IRX6: variants seen among roughly 807,000 people sequenced by gnomAD.
IRX6 encodes iroquois-class homeodomain protein IRX-6.
In IRX6, 46 loss-of-function variants were observed where a neutral mutation model predicts 47.7. The ratio of observed to expected loss-of-function variants is 0.96; its 90% CI spans 0.76 to 1.23. IRX6 has a LOEUF of 1.23. Ranked by LOEUF, IRX6 falls within the 50% of genes most tolerant of loss-of-function variation. The pLI is 0.00. For missense variants in IRX6, 722 were observed against 588.0 expected (o/e 1.23, Z -2.36); for synonymous variants, 265 against 246.2 (o/e 1.08, Z -0.72).
chr16:55,329,346 G>A (rs1960602629), intron 5 of IRX6, 35 bp downstream of exon 5: 2 of 1,559,934 alleles, frequency 1.3e-6, no homozygotes, highest in South Asian at 2.3e-5. Flanking sequence ...GAGTATCTAT[G>A]CAAAAGACAC....
Position 55,328,738 on chromosome 16 carries a change from A to G in IRX6, c.760A>G (p.Ser254Gly), listed in dbSNP as rs1353901001. Residue 254 changes from serine to glycine, a missense_variant, in exon 5 of 6, where the codon AGT becomes GGT. Transcript: ENST00000290552. ...ASQEARGLRL[S>G]DLEDLEEEEE... ...CCAGGAGGCCCGGGGGCTCCGGCTG[A>G]GTGACCTGGAAGACCTGGAGGAAGA... 3 of 1,613,124 alleles carry G rather than the reference A, an allele frequency of 1.9e-6. No homozygotes were observed. The highest frequency in any genetic ancestry group is 3.3e-5 in the Admixed American group (2 of 60,002).
rs1347143445 is a variant in IRX6 at position 55,327,478 on chromosome 16, C to A, written c.413+73C>A. The A allele has an allele frequency of 2.3e-5, 36 of 1,562,232 alleles. No homozygotes were observed. In the East Asian group the frequency reaches 5.4e-4, roughly 23 times the overall value. ...CCCACTGCCAAGGTAGGGTGGATGG[C>A]GGCAGGGGAGAGGGAGGGAGCTGAA... On this transcript the variant is annotated intron_variant, in intron 3 of 5. Coordinates refer to ENST00000290552, the MANE Select transcript of IRX6 (RefSeq NM_024335.3).
rs1372721022 is a variant in IRX6 at position 55,327,363 on chromosome 16, A to G, written c.371A>G (p.Tyr124Cys). Reference sequence around the variant, plus strand: ...TCCAGCCTGGCACAACCAGGAGCCTATTATCCCTATGAGCGGACTCTGGGG... The same window carrying G: ...TCCAGCCTGGCACAACCAGGAGCCTGTTATCCCTATGAGCGGACTCTGGGG... Reference protein sequence around the residue: ...FTSSLAQPGAYYPYERTLGQY... With the variant: ...FTSSLAQPGACYPYERTLGQY... Residue 124 changes from tyrosine (Y) to cysteine (C), a missense_variant, in exon 3 of 6, where the codon TAT becomes TGT. Physicochemically the swap from Tyr to Cys is radical, Grantham distance 194 (BLOSUM62 -2). Coordinates refer to ENST00000290552, the MANE Select transcript of IRX6 (RefSeq NM_024335.3). The G allele has an allele frequency of 1.2e-6, 2 of 1,613,888 alleles. No homozygotes were observed. The highest frequency in any genetic ancestry group is 8.5e-7 in the Non-Finnish European group (1 of 1,179,926).
rs1960479540 is a variant in IRX6, at chr16:55,324,801, C to G, written c.-291C>G. 9.9e-6 allele frequency: 5 copies of G among 507,042 alleles called. No individual in the cohort carries two copies. In the Admixed American group the frequency reaches 1.0e-4, roughly 10 times the overall value. 31.4% of individuals were successfully genotyped at this position (507,042 alleles called of 1,614,324 possible). On this transcript the variant is annotated 5_prime_UTR_variant, in exon 1 of 6. Transcript: ENST00000290552. The surrounding 1 kb of genome is among the most constrained non-coding windows in gnomAD (Gnocchi z 4.4). ...AGCCCCGCGCCGCGCCGCGCCTCAC[C>G]TCGCCACCACGCGCCTTTGGGAACC... is the stretch of plus-strand genomic sequence containing the variant.
At chr16:55,326,837 G>C in intron 2 of IRX6, 2 of 467,548 alleles carry the variant, frequency 4.3e-6, no homozygotes, top group Non-Finnish European at 7.4e-6. Flanking sequence ...TGAGGAAATA[G>C]AGGTGCACAG....
rs1427184130 is a variant in IRX6 at position 55,324,676 on chromosome 16, AGGGTCCCGGGGCCCG to A, written c.-407_-393del. The A allele has an allele frequency of 5.1e-5, 11 of 215,938 alleles. No homozygotes were observed. The highest frequency in any genetic ancestry group is 1.0e-4 in the Non-Finnish European group (11 of 107,984). 13.4% of individuals were successfully genotyped at this position (215,938 alleles called of 1,614,324 possible). A position where few individuals can be genotyped will look rare whatever the true frequency, so the allele number is the denominator to read the frequency against. On this transcript the variant is annotated 5_prime_UTR_variant, in exon 1 of 6. Transcript: ENST00000290552. This position sits in a 1 kb window ranked among gnomAD's most constrained non-coding sequence, Gnocchi z 4.4. ...CTGCGCTTGGCACGCTTGGTGGCCC[AGGGTCCCGGGGCCCG>A]GGGTCCCGTCTGGCGGCCCGGGATT...
chr16:55,325,137 G>GT lies in IRX6; in HGVS notation c.45+2dup. On this transcript the variant is annotated splice_donor_variant, in intron 1 of 5. Transcript: ENST00000290552. LOFTEE classifies it high-confidence loss of function. ...ACACCCGTACCGCGGCGCTTCCCAGGTAAGAGGCGCCTCTATGGGGGATAG... is the reference window on the plus strand; with the variant it reads ...ACACCCGTACCGCGGCGCTTCCCAGGTTAAGAGGCGCCTCTATGGGGGATAG... 1.2e-6 allele frequency: 2 copies of GT among 1,613,822 alleles called. No individual in the cohort carries two copies. Among genetic ancestry groups the GT allele is most frequent in the Non-Finnish European group, 1.7e-6 (2 of 1,179,952 alleles).
At chr16:55,325,191 G>T (rs1960488556) in intron 1 of IRX6, 55 bp downstream of exon 1, 1 of 1,559,390 alleles carries the variant, frequency 6.4e-7, no homozygotes, top group African/African-American at 1.4e-5. Flanking sequence ...GGAGTGCCTA[G>T]TGCACGGCGC....
rs2142272515 is a variant in IRX6 at position 55,330,283 on chromosome 16, C to T, written c.1334-15C>T. 6.2e-7 allele frequency: 1 copy of T among 1,613,478 alleles called. No homozygotes were observed. On this transcript the variant is annotated splice_polypyrimidine_tract_variant and intron_variant, in intron 5 of 5. Transcript: ENST00000290552. ...TAAACAGCCTTTGGGTTTTAATCAA[C>T]CTTTCCTCTCTCAGCAGGTTAGCGC... is the stretch of plus-strand genomic sequence containing the variant.
chr16:55,328,863 G>A lies in IRX6; in HGVS notation c.885G>A (p.Pro295=), dbSNP rs751555425. The A allele has an allele frequency of 1.4e-5, 22 of 1,612,770 alleles. No individual in the cohort carries two copies. The highest frequency in any genetic ancestry group is 1.7e-5 in the Non-Finnish European group (20 of 1,179,974). The stretch of plus-strand genomic sequence containing the variant: ...AGGGCGCGCAGTCACTGCCTGGGCC[G>A]TGCGCTGCAGCTCGAGAGGGCCGAT... ...FRKGAQSLPG[P]CAAAREGRLE... The change falls in exon 5 of 6, where the codon CCG becomes CCA. Residue 295 remains proline (P), a synonymous_variant. Coordinates refer to ENST00000290552, the MANE Select transcript of IRX6 (RefSeq NM_024335.3).
rs775520013 is a variant in IRX6 at position 55,327,712 on chromosome 16, C to A, written c.540C>A (p.Ile180=). 6.2e-7 allele frequency: 1 copy of A among 1,612,392 alleles called. No individual in the cohort carries two copies. The highest frequency in any genetic ancestry group is 8.5e-7 in the Non-Finnish European group (1 of 1,180,012). The change falls in exon 4 of 6, where the codon ATC becomes ATA. Residue 180 remains isoleucine, a synonymous_variant. Transcript: ENST00000290552. The part of the protein sequence containing the change: ...KNPYPTKGEK[I]MLAIITKMTL... ...CCTACCCCACTAAGGGTGAGAAGAT[C>A]ATGCTGGCCATCATCACCAAGATGA... is the stretch of plus-strand genomic sequence containing the variant.
Position 55,327,621 on chromosome 16 carries a change from G to C in IRX6, c.449G>C (p.Arg150Pro), listed in dbSNP as rs777983442. The change falls in exon 4 of 6, where the codon CGA becomes CCA. Residue 150 changes from arginine to proline, a missense_variant. Physicochemically the swap from Arg to Pro is moderately radical, Grantham distance 103. Coordinates refer to ENST00000290552, the MANE Select transcript of IRX6 (RefSeq NM_024335.3). ...GTGGAATTGAGTGGCGCCGGTCGCC[G>C]AAAGAACGCGACCCGGGAGACCACC... ...GAVELSGAGRRKNATRETTST... is the reference protein window; with the variant it reads ...GAVELSGAGRPKNATRETTST... The C allele has an allele frequency of 2.5e-6, 4 of 1,609,344 alleles. No individual in the cohort carries two copies. The Admixed American group carries it at 5.0e-5, about 20-fold the overall frequency.
chr16:55,327,558 A>G (rs1222156344), intron 3 of IRX6, 28 bp from the exon 4 acceptor site: 9 of 1,581,914 alleles, frequency 5.7e-6, no homozygotes, highest in African/African-American at 5.4e-5. Flanking sequence ...TTCCTCTTCT[A>G]TAATGTGAGC....
At chr16:55,325,529 AGG>A (rs1491375663) in intron 1 of IRX6, among the ~76,000 whole-genome samples, 6,708 of 36,736 alleles carry the variant, frequency 0.18, 2,689 homozygotes, top group African/African-American at 0.33. Context: ...GAAGGAAGGA[AGG>A]AGAGAGAGAG....
intron 1 of IRX6, among the ~76,000 whole-genome samples, chr16:55,325,530 G>GGAAGGAAAGAGAGAGAGA (rs1491427085): frequency 5.5e-4 from 5 of 9,084 alleles, no homozygotes; most frequent in African/African-American, 3.0e-3. Context: ...AAGGAAGGAA[G>GGAAGGAAAGAGAGAGAGA]GAGAGAGAGA....
rs367976229 is a variant in IRX6, at chr16:55,325,184, G to A, written c.45+48G>A. ...ATAGGGGACAGACTGGGTGGAGGGA[G>A]TGCCTAGTGCACGGCGCCTGCCTCT... On this transcript the variant is annotated intron_variant, in intron 1 of 5. Transcript: ENST00000290552. 7.0e-6 allele frequency: 11 copies of A among 1,577,082 alleles called. No individual in the cohort carries two copies. The African/African-American group carries it at 8.1e-5, about 12-fold the overall frequency.
In IRX6 at chr16:55,327,770, G is replaced by C; in HGVS notation, c.598G>C (p.Ala200Pro). The change falls in exon 4 of 6, where the codon GCA becomes CCA. Residue 200 changes from alanine (A) to proline (P), a missense_variant. Physicochemically the swap from Ala to Pro is conservative, Grantham distance 27. Coordinates refer to ENST00000290552, the MANE Select transcript of IRX6 (RefSeq NM_024335.3). ...LTQVSTWFANARRRLKKENKM... is the reference protein window; with the variant it reads ...LTQVSTWFANPRRRLKKENKM... ...CCAGGTGTCCACCTGGTTCGCCAACGCACGCCGGCGCCTCAAGAAAGAGAA... is the reference window on the plus strand; with the variant it reads ...CCAGGTGTCCACCTGGTTCGCCAACCCACGCCGGCGCCTCAAGAAAGAGAA... 2 of 1,612,452 alleles carry C rather than the reference G, an allele frequency of 1.2e-6. No homozygotes were observed. Among genetic ancestry groups the C allele is most frequent in the Non-Finnish European group, 1.7e-6 (2 of 1,179,892 alleles).
Position 55,328,862 on chromosome 16 carries a change from C to T in IRX6, c.884C>T (p.Pro295Leu), listed in dbSNP as rs763870755. 3.1e-6 allele frequency: 5 copies of T among 1,612,892 alleles called. No homozygotes were observed. In the East Asian group the frequency reaches 1.1e-4, roughly 36 times the overall value. Reference protein sequence around the residue: ...FRKGAQSLPGPCAAAREGRLE... With the variant: ...FRKGAQSLPGLCAAAREGRLE... Reference sequence around the variant, plus strand: ...AAGGGCGCGCAGTCACTGCCTGGGCCGTGCGCTGCAGCTCGAGAGGGCCGA... The same window carrying T: ...AAGGGCGCGCAGTCACTGCCTGGGCTGTGCGCTGCAGCTCGAGAGGGCCGA... The change falls in exon 5 of 6, where the codon CCG becomes CTG. Residue 295 changes from proline (P) to leucine (L), a missense_variant. Physicochemically the swap from Pro to Leu is moderately conservative, Grantham distance 98. Transcript: ENST00000290552.
chr16:55,324,906 G>A lies in IRX6; in HGVS notation c.-186G>A. On this transcript the variant is annotated 5_prime_UTR_variant, in exon 1 of 6. Transcript: ENST00000290552. This position sits in a 1 kb window ranked among gnomAD's most constrained non-coding sequence, Gnocchi z 4.4. ...ACGGGCCGGAGGGGCGCCTTCCGGA[G>A]CGCAGGGCTCGGCAGCCGGGCTGCC... 1.6e-6 allele frequency: 1 copy of A among 621,556 alleles called. No homozygotes were observed. Among genetic ancestry groups the A allele is most frequent in the Non-Finnish European group, 2.8e-6 (1 of 351,332 alleles). 38.5% of individuals were successfully genotyped at this position (621,556 alleles called of 1,614,324 possible). A position where few individuals can be genotyped will look rare whatever the true frequency, so the allele number is the denominator to read the frequency against.
Sources: allele counts gnomAD v4.1 joint callset (sites outside exome capture counted in the v4.1 genomes callset), GRCh38; gene constraint gnomAD v4.1.1; non-coding constraint Gnocchi (gnomAD v3.1); transcripts MANE v1.5; gene names NCBI Gene and HGNC (gene_info 2026-07-23, HGNC 2026-07-21).